CACNA1G: variants seen among roughly 807,000 people sequenced by gnomAD.
The protein encoded by CACNA1G is calcium voltage-gated channel subunit alpha1 G, also known as voltage-dependent T-type calcium channel subunit alpha-1G.
In CACNA1G, 67 loss-of-function variants were observed where a neutral mutation model predicts 219.4. That is an observed-to-expected ratio of 0.31 (90% CI 0.25 to 0.37). The LOEUF is 0.37. Ranked by LOEUF, CACNA1G falls within the 10% of genes least tolerant of loss-of-function variation. The probability of loss-of-function intolerance (pLI) is 1.00; values close to 1 mark genes in which losing one functional copy is unlikely to be tolerated. For synonymous variants in CACNA1G, 1,296 were observed against 1,345.3 expected (o/e 0.96, Z 0.80); for missense variants, 2,380 against 3,231.4 (o/e 0.74, Z 6.39).
rs140783699 is a variant in CACNA1G at position 50,601,659 on chromosome 17, A to G, written c.3915+485A>G. Among the ~76,000 whole-genome samples, 9 of 152,286 alleles carry G rather than the reference A, an allele frequency of 5.9e-5. No homozygotes were observed. In the East Asian group the frequency reaches 1.7e-3, roughly 29 times the overall value. On this transcript the variant is annotated intron_variant, in intron 19 of 37. Coordinates refer to ENST00000359106, the MANE Select transcript of CACNA1G (RefSeq NM_018896.5). ...ACTTCTGCTTGGCTGCGAACCTGTCAGTCCTTCTCAGAAGGAGAGCCAGAG... is the reference window on the plus strand; with the variant it reads ...ACTTCTGCTTGGCTGCGAACCTGTCGGTCCTTCTCAGAAGGAGAGCCAGAG...
In CACNA1G at chr17:50,607,904, C is replaced by T. The variant is rs1355760566; in HGVS notation, c.4590C>T (p.Asn1530=). 1 of 1,614,034 alleles carries T rather than the reference C, an allele frequency of 6.2e-7. No homozygotes were observed. The highest frequency in any genetic ancestry group is 1.7e-5 in the Admixed American group (1 of 60,028). The part of the protein sequence containing the change: ...FLLIVAFFVL[N]MFVGVVVENF... ...TCATTGTGGCCTTCTTTGTCCTGAA[C>T]ATGTTTGTGGGTGTGGTGGTGGAGA... Residue 1530 remains asparagine, a synonymous_variant, in exon 25 of 38, where the codon AAC becomes AAT. Coordinates refer to ENST00000359106, the MANE Select transcript of CACNA1G (RefSeq NM_018896.5).
chr17:50,619,034 G>A, intron 33 of CACNA1G, 26 bp downstream of exon 33: 1 of 1,478,422 alleles, frequency 6.8e-7, no homozygotes, highest in Non-Finnish European at 9.0e-7. Flanking sequence ...CCCCAGCCGT[G>A]AGAGGAGCTG....
chr17:50,622,275 G>A (rs1308333777), intron 35 of CACNA1G, among the ~76,000 whole-genome samples: 1 of 151,556 alleles, frequency 6.6e-6, no homozygotes, highest in East Asian at 1.9e-4. Context: ...TTCACTTGGA[G>A]CGCTGTTCCT....
chr17:50,599,911 G>A (rs2046288954), intron 17 of CACNA1G, 52 bp downstream of exon 17: 1 of 1,548,290 alleles, frequency 6.5e-7, no homozygotes. Flanking sequence ...TGAAAGAGGG[G>A]AGGTGTGCCT....
At chr17:50,573,343 A>G in intron 7 of CACNA1G, 1 of 524,040 alleles carries the variant, frequency 1.9e-6, no homozygotes, top group Non-Finnish European at 3.4e-6. Flanking sequence ...GTCATTCTCC[A>G]TGAGGCCTCC....
intron 5 of CACNA1G, 32 bp from the exon 6 acceptor site, chr17:50,572,522 G>A: frequency 6.7e-7 from 1 of 1,498,954 alleles, no homozygotes; most frequent in African/African-American, 1.4e-5. Flanking sequence ...CCACTCCCCA[G>A]TCTCACCCCT....
At chr17:50,565,465 T>A (rs990021354) in intron 1 of CACNA1G, among the ~76,000 whole-genome samples, 1 of 151,606 alleles carries the variant, frequency 6.6e-6, no homozygotes, top group Non-Finnish European at 1.5e-5. Context: ...ACCCTAGGGG[T>A]TGCCGAATCC....
chr17:50,614,608 A>G (rs571139240), intron 26 of CACNA1G, among the ~76,000 whole-genome samples: 1 of 152,364 alleles, frequency 6.6e-6, no homozygotes, highest in Admixed American at 6.5e-5. Flanking sequence ...TGCCTCTGAC[A>G]GATCTCAGAC....
Position 50,576,127 on chromosome 17 carries a change from C to G in CACNA1G, c.1725C>G (p.Ser575=). Residue 575 remains serine, a synonymous_variant, in exon 8 of 38, where the codon TCC becomes TCG. Coordinates refer to ENST00000359106, the MANE Select transcript of CACNA1G (RefSeq NM_018896.5). ...PVRCQAPPPR[S]PSEASGRTVG... The stretch of plus-strand genomic sequence containing the variant: ...GCTGCCAGGCGCCCCCTCCCAGGTC[C>G]CCATCTGAGGCATCCGGCAGGACTG... 2 of 1,604,486 alleles carry G rather than the reference C, an allele frequency of 1.2e-6. No individual in the cohort carries two copies. The highest frequency in any genetic ancestry group is 1.7e-6 in the Non-Finnish European group (2 of 1,176,362).
At chr17:50,602,513 A>AGGACGTG (rs1220003914) in intron 19 of CACNA1G, among the ~76,000 whole-genome samples, 3 of 152,236 alleles carry the variant, frequency 2.0e-5, no homozygotes, top group African/African-American at 7.2e-5. Flanking sequence ...AATAGGGCTT[A>AGGACGTG]GGACGTGGGA....
In CACNA1G at chr17:50,599,566, T is replaced by A. The variant is rs2046204952; in HGVS notation, c.3397T>A (p.Ser1133Thr). 1.2e-6 allele frequency: 2 copies of A among 1,612,774 alleles called. No individual in the cohort carries two copies. Among genetic ancestry groups the A allele is most frequent in the Non-Finnish European group, 1.7e-6 (2 of 1,179,460 alleles). The change falls in exon 17 of 38, where the codon TCG becomes ACG. Residue 1133 changes from serine to threonine, a missense_variant. By Grantham distance (58) the Ser-to-Thr change is moderately conservative. This residue lies in a region of CACNA1G where 418 missense variants were observed against 434.3 expected (regional missense o/e 0.96). Transcript: ENST00000359106. Reference protein sequence around the residue: ...SPSGERRSLLSGEGQESQDEE... With the variant: ...SPSGERRSLLTGEGQESQDEE... The stretch of plus-strand genomic sequence containing the variant: ...AAGTGGAGAGCGGCGGTCCCTGTTG[T>A]CGGGAGAAGGCCAGGAGAGCCAGGA...
chr17:50,609,782 AGGCAGAGTGAGGTG>A, intron 25 of CACNA1G, 86 bp from the exon 26 acceptor site: 2 of 988,494 alleles, frequency 2.0e-6, no homozygotes, highest in Non-Finnish European at 3.1e-6. Context: ...CCCCACCCAT[AGGCAGAGTGAGGTG>A]GGAGCTGAGG....
rs113993726 is a variant in CACNA1G at position 50,615,539 on chromosome 17, G to A, written c.4911+27G>A. 6.2e-6 allele frequency: 10 copies of A among 1,603,950 alleles called. No homozygotes were observed. The African/African-American group carries it at 8.0e-5, about 13-fold the overall frequency. Reference sequence around the variant, plus strand: ...TAGGAGCGAGTGGACCAGCCATCTGGCCCCCCCACCTCCAGCTGAGGAACC... The same window carrying A: ...TAGGAGCGAGTGGACCAGCCATCTGACCCCCCCACCTCCAGCTGAGGAACC... On this transcript the variant is annotated intron_variant, in intron 27 of 37. Transcript: ENST00000359106.
intron 1 of CACNA1G, among the ~76,000 whole-genome samples, chr17:50,567,236 C>G (rs187194631): frequency 1.3e-5 from 2 of 152,172 alleles, no homozygotes; most frequent in Non-Finnish European, 2.9e-5. Flanking sequence ...AAACCTAGAA[C>G]TTTTTTCTTA....
In CACNA1G at chr17:50,575,665, C is replaced by A; in HGVS notation, c.1263C>A (p.Ser421Arg). Residue 421 changes from serine to arginine, a missense_variant, in exon 8 of 38, where the codon AGC becomes AGA. Ser to Arg is a moderately radical substitution (Grantham distance 110). Coordinates refer to ENST00000359106, the MANE Select transcript of CACNA1G (RefSeq NM_018896.5). ...GTGTGCGGTTCCTGTCCAACGCCAG[C>A]ACCCTGGCTAGCTTCTCTGAGCCCG... Reference protein sequence around the residue: ...EQRVRFLSNASTLASFSEPGS... With the variant: ...EQRVRFLSNARTLASFSEPGS... 6.2e-7 allele frequency: 1 copy of A among 1,613,308 alleles called. No homozygotes were observed. Among genetic ancestry groups the A allele is most frequent in the Non-Finnish European group, 8.5e-7 (1 of 1,179,686 alleles).
chr17:50,574,838 C>T (rs2040281491), intron 7 of CACNA1G, among the ~76,000 whole-genome samples: 1 of 152,038 alleles, frequency 6.6e-6, no homozygotes, highest in Non-Finnish European at 1.5e-5. Context: ...GAAACTGAGG[C>T]GTGGAGATGG....
At chr17:50,582,992 G>A (rs1402580804) in intron 9 of CACNA1G, among the ~76,000 whole-genome samples, 2 of 152,132 alleles carry the variant, frequency 1.3e-5, no homozygotes, top group Admixed American at 6.5e-5. Context: ...GAGAGAAGCT[G>A]GGGGTGGGGC....
intron 16 of CACNA1G, among the ~76,000 whole-genome samples, 154 bp downstream of exon 16, chr17:50,597,077 C>T (rs369392076): frequency 6.6e-6 from 1 of 152,076 alleles, no homozygotes; most frequent in Non-Finnish European, 1.5e-5. Flanking sequence ...GGGGAATCTG[C>T]GCCGGTGATG....
intron 16 of CACNA1G, 121 bp downstream of exon 16, chr17:50,597,044 TGGGTGTGCCTGGACAAGC>T: frequency 1.1e-6 from 1 of 933,230 alleles, no homozygotes; most frequent in Non-Finnish European, 1.6e-6. Context: ...GGATGGGGCC[TGGGTGTGCCTGGACAAGC>T]CCCTGGGGAA....
Sources: gnomAD v4.1 joint callset for allele counts (sites outside exome capture counted in the v4.1 genomes callset) on GRCh38, gnomAD v4.1.1 for gene constraint, gnomAD v4.1.1 regional missense constraint, MANE v1.5 for transcripts, NCBI Gene and HGNC (gene_info 2026-07-23, HGNC 2026-07-21) for gene names.